Variants in CFAP91 observed in about 807,000 individuals in gnomAD.
CFAP91 encodes the protein cilia- and flagella-associated protein 91.
A neutral mutation model predicts 95.9 loss-of-function variants in CFAP91; 85 were observed. That is an observed-to-expected ratio of 0.89 (90% CI 0.74 to 1.06). CFAP91 has a LOEUF of 1.06. CFAP91 is among the 50% of genes least tolerant of loss of function. The pLI is 0.00. For synonymous variants in CFAP91, 335 were observed against 327.5 expected (o/e 1.02, Z -0.25); for missense variants, 962 against 943.4 (o/e 1.02, Z -0.26).
At chr3:119,755,384 G>T (rs887151589) in intron 17 of CFAP91, among the ~76,000 whole-genome samples, 2 of 152,124 alleles carry the variant, frequency 1.3e-5, no homozygotes. Flanking sequence ...AGAGAATTAG[G>T]TTTAGAGAAG....
intron 17 of CFAP91, among the ~76,000 whole-genome samples, chr3:119,761,573 C>G (rs1203551040): frequency 6.6e-6 from 1 of 151,798 alleles, no homozygotes; most frequent in Non-Finnish European, 1.5e-5. Context: ...CCCTGATTAA[C>G]GTGGATGCAA....
chr3:119,744,827 T>G (rs1270419990), intron 14 of CFAP91, among the ~76,000 whole-genome samples: 1 of 152,226 alleles, frequency 6.6e-6, no homozygotes, highest in African/African-American at 2.4e-5. Context: ...GGTGACCAGC[T>G]TCTAGCCTCC....
rs751789647 is a variant in CFAP91 at position 119,747,249 on chromosome 3, T to C, written c.2037T>C (p.Tyr679=). 1 of 1,613,446 alleles carries C rather than the reference T, an allele frequency of 6.2e-7. No homozygotes were observed. Among genetic ancestry groups the C allele is most frequent in the Non-Finnish European group, 8.5e-7 (1 of 1,179,674 alleles). Residue 679 remains tyrosine, a synonymous_variant, in exon 15 of 18, where the codon TAT becomes TAC. Coordinates refer to ENST00000273390, the MANE Select transcript of CFAP91 (RefSeq NM_033364.4). ...CTGAGAAAATCAATGACATTGCTTA[T>C]GAAATGGAAAGCCGGTGTGTATCAA... ...KMAEKINDIA[Y]EMESRRTYLQ...
chr3:119,738,293 T>C (rs2054047908), intron 11 of CFAP91, among the ~76,000 whole-genome samples: 1 of 148,752 alleles, frequency 6.7e-6, no homozygotes, highest in Admixed American at 6.9e-5. Context: ...TAACATTCTC[T>C]TTTCTAGACT....
chr3:119,715,410 C>T (rs1362466571), intron 5 of CFAP91, 152 bp from the exon 6 acceptor site: 2 of 758,876 alleles, frequency 2.6e-6, no homozygotes, highest in Non-Finnish European at 4.6e-6. Flanking sequence ...TGCGCATAAT[C>T]CTGGTTATAA....
intron 6 of CFAP91, 55 bp from the exon 7 acceptor site, chr3:119,726,116 G>A: frequency 6.9e-7 from 1 of 1,452,926 alleles, no homozygotes; most frequent in East Asian, 2.3e-5. Context: ...ATTATATACT[G>A]GGGGGTGCAT....
chr3:119,703,051 A>T lies in CFAP91; in HGVS notation c.-48A>T, dbSNP rs780663674. On this transcript the variant is annotated 5_prime_UTR_variant, in exon 1 of 18. Transcript: ENST00000273390. Reference sequence around the variant, plus strand: ...CCATAGCGACGTGCACGCAGTAGCCAGGCCTGACCCGCTGGTCCCTTGCTG... The same window carrying T: ...CCATAGCGACGTGCACGCAGTAGCCTGGCCTGACCCGCTGGTCCCTTGCTG... The T allele has an allele frequency of 6.5e-7, 1 of 1,543,966 alleles. No individual in the cohort carries two copies. The highest frequency in any genetic ancestry group is 8.7e-7 in the Non-Finnish European group (1 of 1,143,072).
In CFAP91 at chr3:119,743,909, ACTT is replaced by A. The variant is rs572618670; in HGVS notation, c.1681-60_1681-58del. On this transcript the variant is annotated intron_variant, in intron 13 of 17. Coordinates refer to ENST00000273390, the MANE Select transcript of CFAP91 (RefSeq NM_033364.4). Reference sequence around the variant, plus strand: ...TGCCAAGAGTTTTGAGTAATCCAGCACTTCTTCTAATAATCACCACTCATAATG... The same window carrying A: ...TGCCAAGAGTTTTGAGTAATCCAGCACTTCTAATAATCACCACTCATAATG... 161 of 1,375,586 alleles carry A rather than the reference ACTT, an allele frequency of 1.2e-4. No homozygotes were observed. The African/African-American group carries it at 1.6e-3, about 13-fold the overall frequency. The allele number at this position is 1,375,586 out of a possible 1,614,324, so 85.2% of individuals were successfully genotyped here. A position where few individuals can be genotyped will look rare whatever the true frequency, so the allele number is the denominator to read the frequency against.
chr3:119,740,711 TTTTCTTGTTAC>T lies in CFAP91; in HGVS notation c.1680+27_1680+37del, dbSNP rs781712362. 1.1e-5 allele frequency: 17 copies of T among 1,609,130 alleles called. No individual in the cohort carries two copies. The African/African-American group carries it at 2.1e-4, about 20-fold the overall frequency. On this transcript the variant is annotated intron_variant, in intron 13 of 17. Transcript: ENST00000273390. ...TGAGCACAAGGTTTTCCTTTTTTTG[TTTTCTTGTTAC>T]TTTCTTGTTAAATTTTCTCCCTTGA...
intron 13 of CFAP91, among the ~76,000 whole-genome samples, chr3:119,741,546 C>T (rs114937018): frequency 0.035 from 5,399 of 152,212 alleles, 300 homozygotes; most frequent in African/African-American, 0.12. Flanking sequence ...AAACCAACAA[C>T]TGTAAATATT....
intron 6 of CFAP91, 52 bp downstream of exon 6, chr3:119,715,795 G>A (rs373510470): frequency 7.8e-6 from 12 of 1,532,660 alleles, no homozygotes; most frequent in African/African-American, 1.4e-5. Context: ...TGATAACCAC[G>A]CATGCTGTTC....
intron 6 of CFAP91, among the ~76,000 whole-genome samples, chr3:119,722,183 A>AC (rs2053698376): frequency 6.6e-6 from 1 of 151,634 alleles, no homozygotes; most frequent in African/African-American, 2.4e-5. Context: ...TCTCTAAAAA[A>AC]AAAAAAAAAA....
In CFAP91 at chr3:119,703,067, T is replaced by C. The variant is rs771799813; in HGVS notation, c.-32T>C. Reference sequence around the variant, plus strand: ...GCAGTAGCCAGGCCTGACCCGCTGGTCCCTTGCTGGCGGGAGGAAAGAGGC... The same window carrying C: ...GCAGTAGCCAGGCCTGACCCGCTGGCCCCTTGCTGGCGGGAGGAAAGAGGC... On this transcript the variant is annotated 5_prime_UTR_variant, in exon 1 of 18. Coordinates refer to ENST00000273390, the MANE Select transcript of CFAP91 (RefSeq NM_033364.4). 40 of 1,549,260 alleles carry C rather than the reference T, an allele frequency of 2.6e-5. No individual in the cohort carries two copies. The highest frequency in any genetic ancestry group is 1.5e-4 in the South Asian group (13 of 83,984).
chr3:119,758,297 T>C (rs1455884512), intron 17 of CFAP91, among the ~76,000 whole-genome samples: 1 of 152,204 alleles, frequency 6.6e-6, no homozygotes, highest in Non-Finnish European at 1.5e-5. Flanking sequence ...GAATCTATCC[T>C]AATGTTGCAA....
intron 12 of CFAP91, 100 bp from the exon 13 acceptor site, chr3:119,740,449 A>C: frequency 7.3e-7 from 1 of 1,366,728 alleles, no homozygotes; most frequent in East Asian, 2.3e-5. Flanking sequence ...GACAGAACCC[A>C]CTGTTCACAA....
rs199743132 is a variant in CFAP91, at chr3:119,713,083, T to TTTTATTTA, written c.501-2435_501-2428dup. On this transcript the variant is annotated intron_variant, in intron 5 of 17. Coordinates refer to ENST00000273390, the MANE Select transcript of CFAP91 (RefSeq NM_033364.4). The stretch of plus-strand genomic sequence containing the variant: ...CTTTTTTAAAAAATTTTTATTTTAT[T>TTTTATTTA]TTTATTTATTTATTTATTTATTTAT... 109 of 139,706 alleles carry TTTTATTTA rather than the reference T, an allele frequency of 7.8e-4. 1 individual carries two copies. The highest frequency in any genetic ancestry group is 1.7e-3 in the Admixed American group (24 of 13,940). 8.7% of individuals were successfully genotyped at this position (139,706 alleles called of 1,614,324 possible). A position where few individuals can be genotyped will look rare whatever the true frequency, so the allele number is the denominator to read the frequency against.
chr3:119,730,164 C>T, intron 7 of CFAP91, 56 bp from the exon 8 acceptor site: 1 of 1,558,124 alleles, frequency 6.4e-7, no homozygotes, highest in Non-Finnish European at 8.7e-7. Flanking sequence ...CAGCTGTTCC[C>T]TTGCCCTCTG....
chr3:119,708,264 C>CAAAA (rs11346330), intron 3 of CFAP91, among the ~76,000 whole-genome samples: 13 of 111,834 alleles, frequency 1.2e-4, no homozygotes, highest in South Asian at 9.1e-4. Context: ...GACTCTGTCT[C>CAAAA]AAAAAAAAAA....
rs144453336 is a variant in CFAP91, at chr3:119,724,087, G to A, written c.683-2084G>A. Among the ~76,000 whole-genome samples the A allele has an allele frequency of 5.7e-3, 858 of 150,538 alleles. 7 individuals are homozygous for A. Among genetic ancestry groups the A allele is most frequent in the African/African-American group, 0.02 (803 of 40,710 alleles). ...GGAGGCTAAGACAGGAGAATCACTC[G>A]AACCTGGGAGGCAGAGGTTGCAGGG... On this transcript the variant is annotated intron_variant, in intron 6 of 17. Transcript: ENST00000273390.
Sources: gnomAD v4.1 joint callset for allele counts (sites outside exome capture counted in the v4.1 genomes callset) on GRCh38, gnomAD v4.1.1 for gene constraint, MANE v1.5 for transcripts, NCBI Gene and HGNC (gene_info 2026-07-23, HGNC 2026-07-21) for gene names.